TMEM221: variants seen among roughly 807,000 people sequenced by gnomAD.
TMEM221 encodes the protein transmembrane protein 221, also known as Putative transmembrane protein ENSP00000342162.
A neutral mutation model predicts 10.2 loss-of-function variants in TMEM221; 11 were observed. The ratio of observed to expected loss-of-function variants is 1.08; its 90% CI spans 0.68 to 1.79. TMEM221 has a LOEUF of 1.79. Among genes scored for constraint, TMEM221 ranks in the 40% most tolerant of loss-of-function variants. The pLI, the probability that TMEM221 is intolerant of heterozygous loss-of-function variation, is 0.00. For missense variants in TMEM221, 382 were observed against 417.7 expected (o/e 0.91, Z 0.75); for synonymous variants, 172 against 199.8 (o/e 0.86, Z 1.18).
At chr19:17,445,320 G>C in intron 1 of TMEM221, 36 bp from the exon 2 acceptor site, 1 of 1,508,082 alleles carries the variant, frequency 6.6e-7, no homozygotes, top group African/African-American at 1.4e-5. Context: ...AAAGGGTTCA[G>C]GAAGTGGAGC....
chr19:17,447,120 G>A (rs1431152884), intron 1 of TMEM221, among the ~76,000 whole-genome samples: 1 of 151,844 alleles, frequency 6.6e-6, no homozygotes, highest in African/African-American at 2.4e-5. Context: ...TACTCGGGAG[G>A]CTAAGGTGGG....
intron 2 of TMEM221, among the ~76,000 whole-genome samples, chr19:17,442,645 G>T (rs992645666): frequency 1.3e-5 from 2 of 151,568 alleles, no homozygotes; most frequent in African/African-American, 4.8e-5. Flanking sequence ...TCACCATGTT[G>T]CCCAGGCTGG....
At chr19:17,446,257 T>C (rs1249024084) in intron 1 of TMEM221, among the ~76,000 whole-genome samples, 1 of 152,148 alleles carries the variant, frequency 6.6e-6, no homozygotes, top group African/African-American at 2.4e-5. Flanking sequence ...CCATCCATTC[T>C]CTTTCCCCTA....
chr19:17,441,044 C>G (rs983996294), intron 2 of TMEM221, among the ~76,000 whole-genome samples: 10 of 151,936 alleles, frequency 6.6e-5, no homozygotes, highest in Non-Finnish European at 2.9e-5. Context: ...CCCGTCTCTG[C>G]TAAAAATACA....
At chr19:17,443,312 C>CATTTATTT (rs36145674) in intron 2 of TMEM221, among the ~76,000 whole-genome samples, 8 of 146,612 alleles carry the variant, frequency 5.5e-5, no homozygotes, top group African/African-American at 1.0e-4. Flanking sequence ...TCTTTTTAAA[C>CATTTATTT]ATTTATTTAT....
rs1343326291 is a variant in TMEM221, at chr19:17,435,553, C to T, written c.*905G>A. 6.6e-6 allele frequency: 1 copy of T among 152,218 alleles called. No individual in the cohort carries two copies. Among genetic ancestry groups the T allele is most frequent in the African/African-American group, 2.4e-5 (1 of 41,418 alleles). The allele number at this position is 152,218 out of a possible 1,614,324, so 9.4% of individuals were successfully genotyped here. A position where few individuals can be genotyped will look rare whatever the true frequency, so the allele number is the denominator to read the frequency against. On this transcript the variant is annotated 3_prime_UTR_variant, in exon 3 of 3. Coordinates refer to ENST00000341130, the MANE Select transcript of TMEM221 (RefSeq NM_001190844.2). ...CTTGTGGGTTGTGCAAGACAGGAGA[C>T]CTTTGGAGACCCCTCTGTTATTTCC...
chr19:17,437,947 C>A (rs2074916419), intron 2 of TMEM221, among the ~76,000 whole-genome samples: 1 of 148,882 alleles, frequency 6.7e-6, no homozygotes, highest in Non-Finnish European at 1.5e-5. Context: ...GAGACAGGGT[C>A]TTGCTCTGTC....
Position 17,441,791 on chromosome 19 carries a change from A to T in TMEM221, c.406+3408T>A, listed in dbSNP as rs553120849. ...GTACTATTGCTTTGGAAGATATCAC[A>T]CTGCATGATGTCCCACATGTGAAAG... On this transcript the variant is annotated intron_variant, in intron 2 of 2. Coordinates refer to ENST00000341130, the MANE Select transcript of TMEM221 (RefSeq NM_001190844.2). Among the ~76,000 whole-genome samples the T allele has an allele frequency of 2.0e-5, 3 of 148,896 alleles. No homozygotes were observed. In the South Asian group the frequency reaches 6.3e-4, roughly 31 times the overall value.
Position 17,436,585 on chromosome 19 carries a change from AG to A in TMEM221, c.748del (p.Leu250CysfsTer49). ...TGTCCGGTGCATTCTGGATGCAGGC[AG>A]GCTGCTCTCCCAGCCTCCCTCCAGG... The part of the protein sequence containing the change: ...AALEGGWESS[L>X]PASRMHRTLS... On this transcript the variant is annotated frameshift_variant, in exon 3 of 3. Transcript: ENST00000341130. LOFTEE classifies it low-confidence loss of function (END_TRUNC). 6.5e-7 allele frequency: 1 copy of A among 1,536,090 alleles called. No individual in the cohort carries two copies. Among genetic ancestry groups the A allele is most frequent in the Non-Finnish European group, 8.7e-7 (1 of 1,146,888 alleles).
chr19:17,435,632 A>C lies in TMEM221; in HGVS notation c.*826T>G, dbSNP rs902039660. The C allele has an allele frequency of 3.9e-5, 6 of 152,268 alleles. No homozygotes were observed. Among genetic ancestry groups the C allele is most frequent in the African/African-American group, 1.4e-4 (6 of 41,446 alleles). The allele number at this position is 152,268 out of a possible 1,614,324, so 9.4% of individuals were successfully genotyped here. ...ACCCCAAAAGCAGCAGCAGCATGAG[A>C]ACGATTAACACACATTGAGGACCTA... is the stretch of plus-strand genomic sequence containing the variant. On this transcript the variant is annotated 3_prime_UTR_variant, in exon 3 of 3. Transcript: ENST00000341130.
In TMEM221 at chr19:17,436,930, A is replaced by G. The variant is rs577185373; in HGVS notation, c.407-3T>C. The G allele has an allele frequency of 1.9e-5, 24 of 1,245,908 alleles. No homozygotes were observed. The Middle Eastern group carries it at 6.1e-4, about 32-fold the overall frequency. The allele number at this position is 1,245,908 out of a possible 1,614,324, so 77.2% of individuals were successfully genotyped here. On this transcript the variant is annotated splice_region_variant and splice_polypyrimidine_tract_variant and intron_variant, in intron 2 of 2. Transcript: ENST00000341130. ...TAGCAAGGCATAGATGGACAGTGCT[A>G]GGGAAGGAAACGACTCTCATTTATT...
intron 2 of TMEM221, among the ~76,000 whole-genome samples, chr19:17,441,203 A>C (rs1418840138): frequency 2.3e-5 from 3 of 131,446 alleles, no homozygotes; most frequent in African/African-American, 9.1e-5. Flanking sequence ...GCAAGACTCC[A>C]TCTCAGAGAA....
chr19:17,448,482 CG>C lies in TMEM221; in HGVS notation c.-21del. 6.9e-6 allele frequency: 10 copies of C among 1,447,318 alleles called. No individual in the cohort carries two copies. Among genetic ancestry groups the C allele is most frequent in the Admixed American group, 2.5e-5 (1 of 39,472 alleles). The allele number at this position is 1,447,318 out of a possible 1,614,324, so 89.7% of individuals were successfully genotyped here. On this transcript the variant is annotated 5_prime_UTR_variant, in exon 1 of 3. Coordinates refer to ENST00000341130, the MANE Select transcript of TMEM221 (RefSeq NM_001190844.2). The surrounding 1 kb of genome is among the most constrained non-coding windows in gnomAD (Gnocchi z 4.7). The stretch of plus-strand genomic sequence containing the variant: ...GGCCATGGCGGGGGTTCCTGCGGGC[CG>C]GGGGAAGAGTTGAGGAATTGAAGTG...
intron 1 of TMEM221, among the ~76,000 whole-genome samples, chr19:17,447,221 C>CA (rs34087726): frequency 0.014 from 1,928 of 133,838 alleles, 28 homozygotes; most frequent in African/African-American, 0.044. Flanking sequence ...GACTCTGTCT[C>CA]AAAAAAAAAA....
In TMEM221 at chr19:17,436,562, T is replaced by A; in HGVS notation, c.772A>T (p.Thr258Ser). Residue 258 changes from threonine to serine, a missense_variant, in exon 3 of 3, where the codon ACA (threonine) becomes TCA (serine). Physicochemically the swap from Thr to Ser is moderately conservative, Grantham distance 58. Transcript: ENST00000341130. ...SSLPASRMHR[T>S]LSAGLGHWDG... ...CAGTGCCCCAGGCCAGCCGACAGTG[T>A]CCGGTGCATTCTGGATGCAGGCAGG... 6.5e-7 allele frequency: 1 copy of A among 1,536,062 alleles called. No homozygotes were observed. The highest frequency in any genetic ancestry group is 8.7e-7 in the Non-Finnish European group (1 of 1,146,870).
At chr19:17,441,674 G>T (rs568884286) in intron 2 of TMEM221, among the ~76,000 whole-genome samples, 1 of 152,254 alleles carries the variant, frequency 6.6e-6, no homozygotes, top group Non-Finnish European at 1.5e-5. Context: ...TTCCTGCAGC[G>T]TCTAGGGTAT....
Position 17,436,243 on chromosome 19 carries a change from C to G in TMEM221, c.*215G>C. On this transcript the variant is annotated 3_prime_UTR_variant, in exon 3 of 3. Transcript: ENST00000341130. Reference sequence around the variant, plus strand: ...TCCTGGGAAGACTTCCAGGAGACACCTAGCCAGCGCTGGCCTCTGACTTTC... The same window carrying G: ...TCCTGGGAAGACTTCCAGGAGACACGTAGCCAGCGCTGGCCTCTGACTTTC... The G allele has an allele frequency of 1.9e-6, 1 of 529,422 alleles. No individual in the cohort carries two copies. Among genetic ancestry groups the G allele is most frequent in the Non-Finnish European group, 3.3e-6 (1 of 304,124 alleles). The allele number at this position is 529,422 out of a possible 1,614,324, so 32.8% of individuals were successfully genotyped here. A position where few individuals can be genotyped will look rare whatever the true frequency, so the allele number is the denominator to read the frequency against.
chr19:17,448,342 G>T lies in TMEM221; in HGVS notation c.121C>A (p.Leu41Met), dbSNP rs1363687711. 7.5e-6 allele frequency: 10 copies of T among 1,332,224 alleles called. No homozygotes were observed. In the South Asian group the frequency reaches 1.6e-4, roughly 22 times the overall value. 82.5% of individuals were successfully genotyped at this position (1,332,224 alleles called of 1,614,324 possible). A position where few individuals can be genotyped will look rare whatever the true frequency, so the allele number is the denominator to read the frequency against. Reference sequence around the variant, plus strand: ...AGCCCCTCGGCGCGCAGCCCCCGCAGCTCGGCGCGGCCCGCCTGCAGCTGA... The same window carrying T: ...AGCCCCTCGGCGCGCAGCCCCCGCATCTCGGCGCGGCCCGCCTGCAGCTGA... ...LFQLQAGRAE[L>M]RGLRAEGLGQ... Residue 41 changes from leucine to methionine, a missense_variant, in exon 1 of 3, where the codon CTG becomes ATG. Physicochemically the swap from Leu to Met is conservative, Grantham distance 15. Transcript: ENST00000341130. The surrounding 1 kb of genome is among the most constrained non-coding windows in gnomAD (Gnocchi z 4.7).
Position 17,436,716 on chromosome 19 carries a change from G to C in TMEM221, c.618C>G (p.Pro206=). ...GGATACCCTGCTGAGGCTGAGCTCT[G>C]GGGCTGGCCTTGGAGACTTCGGCAG... is the stretch of plus-strand genomic sequence containing the variant. ...ARPAEVSKAS[P]RAQPQQGIHR... Residue 206 remains proline, a synonymous_variant, in exon 3 of 3, where the codon CCC becomes CCG. Coordinates refer to ENST00000341130, the MANE Select transcript of TMEM221 (RefSeq NM_001190844.2). 6.5e-7 allele frequency: 1 copy of C among 1,532,142 alleles called. No homozygotes were observed. Among genetic ancestry groups the C allele is most frequent in the Middle Eastern group, 1.7e-4 (1 of 5,982 alleles). The allele number at this position is 1,532,142 out of a possible 1,614,324, so 94.9% of individuals were successfully genotyped here.
Sources: gnomAD v4.1 joint callset for allele counts (sites outside exome capture counted in the v4.1 genomes callset) on GRCh38, gnomAD v4.1.1 for gene constraint, Gnocchi (gnomAD v3.1) non-coding constraint, MANE v1.5 for transcripts, NCBI Gene and HGNC (gene_info 2026-07-23, HGNC 2026-07-21) for gene names.